RNLS: variants seen among roughly 807,000 people sequenced by gnomAD.
The protein encoded by RNLS is renalase.
RNLS carries 39 observed loss-of-function variants against 39.8 expected under a neutral mutation model. That is an observed-to-expected ratio of 0.98 (90% CI 0.76 to 1.28). The LOEUF is 1.28. RNLS is among the 50% of genes most tolerant of loss of function. The pLI, the probability that RNLS is intolerant of heterozygous loss-of-function variation, is 0.00. For missense variants in RNLS, 410 were observed against 413.3 expected, an observed-to-expected ratio of 0.99 and a Z score of 0.07; for synonymous variants, 147 against 150.7, an observed-to-expected ratio of 0.98 and a Z score of 0.18.
chr10:88,227,852 G>A, the RNLS span, among the ~76,000 whole-genome samples: 6 of 152,152 alleles, frequency 3.9e-5, no homozygotes, highest in Admixed American at 2.6e-4. Flanking sequence ...GTAGACGCTC[G>A]TCATCCCTTG....
At chr10:88,361,260 G>T (rs1476195893) in intron 5 of RNLS, among the ~76,000 whole-genome samples, 1 of 152,144 alleles carries the variant, frequency 6.6e-6, no homozygotes, top group Non-Finnish European at 1.5e-5. Flanking sequence ...CAACCATATT[G>T]GGATTAGGGC....
intron 4 of RNLS, among the ~76,000 whole-genome samples, chr10:88,530,110 C>T (rs750112772): frequency 2.0e-5 from 3 of 152,156 alleles, no homozygotes; most frequent in Non-Finnish European, 4.4e-5. Context: ...AGTGCCTGAC[C>T]TGGATCAAAT....
At chr10:88,341,265 G>T (rs1341096327) in intron 5 of RNLS, among the ~76,000 whole-genome samples, 1 of 147,456 alleles carries the variant, frequency 6.8e-6, no homozygotes, top group Non-Finnish European at 1.5e-5. Context: ...GAAAGCAGAG[G>T]TTGCGGTGAG....
At chr10:88,236,097 C>T in the RNLS span, among the ~76,000 whole-genome samples, 1 of 152,148 alleles carries the variant, frequency 6.6e-6, no homozygotes, top group South Asian at 2.1e-4. Flanking sequence ...TTAAATACTG[C>T]TTAAGATATG....
chr10:88,293,926 C>A (rs1760126965), intron 6 of RNLS, among the ~76,000 whole-genome samples: 1 of 152,166 alleles, frequency 6.6e-6, no homozygotes, highest in Admixed American at 6.5e-5. Context: ...TTGTATAAAA[C>A]ATGTTTCCCA....
chr10:88,561,111 CT>C (rs893088913), intron 4 of RNLS, among the ~76,000 whole-genome samples: 5 of 152,060 alleles, frequency 3.3e-5, no homozygotes, highest in African/African-American at 1.2e-4. Context: ...TACAGCGAGT[CT>C]TCAAAACCAA....
intron 5 of RNLS, among the ~76,000 whole-genome samples, chr10:88,330,390 G>C (rs1419815980): frequency 6.6e-6 from 1 of 151,926 alleles, no homozygotes; most frequent in Non-Finnish European, 1.5e-5. Flanking sequence ...CTGCTTAAGG[G>C]TGGGTTTGTG....
the RNLS span, among the ~76,000 whole-genome samples, chr10:88,217,766 G>T: frequency 1.1e-5 from 1 of 94,560 alleles, no homozygotes; most frequent in Non-Finnish European, 2.1e-5. Flanking sequence ...AGGGCTGGGC[G>T]CAGTGGCTCA....
At chr10:88,380,485 C>T (rs1439504189) in intron 4 of RNLS, among the ~76,000 whole-genome samples, 1 of 147,844 alleles carries the variant, frequency 6.8e-6, no homozygotes, top group Non-Finnish European at 1.5e-5. Flanking sequence ...ATGCTGTTTT[C>T]CTGCCTCAGC....
chr10:88,334,057 T>C (rs562600518), intron 5 of RNLS, among the ~76,000 whole-genome samples: 6 of 152,350 alleles, frequency 3.9e-5, no homozygotes, highest in Non-Finnish European at 7.3e-5. Context: ...ACAATTCACA[T>C]ACCTTTGTTG....
chr10:88,374,504 T>C (rs6586128), intron 4 of RNLS, among the ~76,000 whole-genome samples: 51,495 of 152,056 alleles, frequency 0.34, 9,336 homozygotes, highest in African/African-American at 0.47. Context: ...TTCCTCCTTT[T>C]GCTTTCCTGC....
downstream of RNLS, among the ~76,000 whole-genome samples, chr10:88,283,748 G>C (rs190084986): frequency 7.9e-3 from 1,199 of 152,156 alleles, 13 homozygotes; most frequent in African/African-American, 0.027. Context: ...TAACAAGAGG[G>C]AGCTAAATGA....
At chr10:88,210,939 G>C in the RNLS span, among the ~76,000 whole-genome samples, 1 of 152,116 alleles carries the variant, frequency 6.6e-6, no homozygotes, top group Non-Finnish European at 1.5e-5. Context: ...GTGTGGTTTT[G>C]AGGATCAATG....
intron 4 of RNLS, among the ~76,000 whole-genome samples, chr10:88,378,126 A>G (rs1169578696): frequency 6.6e-6 from 1 of 152,274 alleles, no homozygotes; most frequent in African/African-American, 2.4e-5. Context: ...ATTAACACAC[A>G]TGAAGCTGTT....
intron 5 of RNLS, among the ~76,000 whole-genome samples, chr10:88,325,599 T>C (rs1846543406): frequency 6.6e-6 from 1 of 152,228 alleles, no homozygotes; most frequent in Admixed American, 6.5e-5. Flanking sequence ...AGATTCATGG[T>C]CATGACAGTT....
intron 4 of RNLS, among the ~76,000 whole-genome samples, chr10:88,379,283 T>C (rs1333275690): frequency 6.6e-6 from 1 of 152,216 alleles, no homozygotes; most frequent in Non-Finnish European, 1.5e-5. Flanking sequence ...TGAAAATGGA[T>C]TGCTATTTAA....
intron 4 of RNLS, among the ~76,000 whole-genome samples, chr10:88,562,264 G>GAA (rs1305978950): frequency 4.0e-5 from 6 of 151,832 alleles, no homozygotes; most frequent in Admixed American, 1.3e-4. Context: ...ATTTAATAGA[G>GAA]AAAAAAACTG....
chr10:88,517,551 T>C (rs1846479190), intron 4 of RNLS, among the ~76,000 whole-genome samples: 1 of 151,892 alleles, frequency 6.6e-6, no homozygotes, highest in Admixed American at 6.6e-5. Flanking sequence ...ATGGCCTTTG[T>C]TTTTTACATA....
At chr10:88,265,251 T>C in the RNLS span, among the ~76,000 whole-genome samples, 1 of 152,128 alleles carries the variant, frequency 6.6e-6, no homozygotes, top group Non-Finnish European at 1.5e-5. Flanking sequence ...ATAGTATAGT[T>C]TGAAGTCAGG....
Sources: allele counts gnomAD v4.1 joint callset (sites outside exome capture counted in the v4.1 genomes callset), GRCh38; gene constraint gnomAD v4.1.1; transcripts MANE v1.5; gene names NCBI Gene and HGNC (gene_info 2026-07-23, HGNC 2026-07-21).